SYTL5: variants seen among roughly 807,000 people sequenced by gnomAD.
SYTL5 encodes synaptotagmin-like protein 5.
Under a neutral mutation model 55.9 loss-of-function variants are expected in SYTL5, and 34 were observed. That is an observed-to-expected ratio of 0.61 (90% CI 0.46 to 0.81). The LOEUF is 0.81. Ranked by LOEUF, SYTL5 falls within the 30% of genes least tolerant of loss-of-function variation. The pLI, the probability that SYTL5 is intolerant of heterozygous loss-of-function variation, is 0.00. For missense variants in SYTL5, 637 were observed against 546.7 expected (o/e 1.17, Z -1.65); for synonymous variants, 221 against 188.7 (o/e 1.17, Z -1.40).
At chrX:37,994,922 C>T in the SYTL5 span, 3 of 111,537 alleles carry the variant, frequency 2.7e-5, no homozygotes, top group African/African-American at 6.5e-5. Context: ...GCTCCTGACT[C>T]GTCTCCGTTT....
chrX:37,966,500 C>T, the SYTL5 span, among the ~76,000 whole-genome samples: 8 of 98,598 alleles, frequency 8.1e-5, no homozygotes, highest in Admixed American at 8.1e-4. Context: ...TGCAGTGGCA[C>T]GATCTCGGCT....
rs140065407 is a variant in SYTL5, at chrX:38,088,449, T to A, written c.690-997T>A. Among the ~76,000 whole-genome samples the A allele has an allele frequency of 1.7e-3, 186 of 111,696 alleles. 2 individuals are homozygous for A. In the Admixed American group the frequency reaches 0.017, roughly 10 times the overall value. ...AGGGCTTCTATTTTACCACTTAGCA[T>A]ATTTTGTGCCCACTGAGGGAAAAGA... On this transcript the variant is annotated intron_variant, in intron 6 of 16. Transcript: ENST00000297875.
In SYTL5 at chrX:38,096,147, T is replaced by G. The variant is rs750269231; in HGVS notation, c.975T>G (p.Ser325=). 9.1e-5 allele frequency: 106 copies of G among 1,166,912 alleles called. No individual in the cohort carries two copies. The highest frequency in any genetic ancestry group is 2.7e-5 in the Non-Finnish European group (23 of 862,849). ...GTSLSSDQSR[S]ELDLSESFTE... ...TCCACCTTCCAGATCAGAGTCGATC[T>G]GAGTTAGATTTGAGTGAGTCATTTA... is the stretch of plus-strand genomic sequence containing the variant. Residue 325 remains serine (S), a synonymous_variant, in exon 9 of 17, where the codon TCT becomes TCG. Coordinates refer to ENST00000297875, the MANE Select transcript of SYTL5 (RefSeq NM_138780.3).
At chrX:38,046,961 C>T (rs761701050) in intron 2 of SYTL5, among the ~76,000 whole-genome samples, 1 of 112,337 alleles carries the variant, frequency 8.9e-6, no homozygotes, top group Non-Finnish European at 1.9e-5. Context: ...CCATGTCTCA[C>T]ATCCAGGTCA....
intron 2 of SYTL5, among the ~76,000 whole-genome samples, chrX:38,036,477 A>G (rs1370073545): frequency 8.9e-6 from 1 of 111,746 alleles, no homozygotes; most frequent in African/African-American, 3.3e-5. Context: ...GGCTCTTCAA[A>G]CTTTTTTGAG....
At chrX:37,913,330 G>C in the SYTL5 span, among the ~76,000 whole-genome samples, 1 of 112,381 alleles carries the variant, frequency 8.9e-6, no homozygotes. Flanking sequence ...GTGTTTTCAT[G>C]CTATATACCA....
chrX:38,018,916 G>C (rs1278250545), intron 1 of SYTL5, among the ~76,000 whole-genome samples: 1 of 111,717 alleles, frequency 9.0e-6, no homozygotes, highest in Non-Finnish European at 1.9e-5. Flanking sequence ...ACTTCTGCAA[G>C]AGCCTCCTCA....
At chrX:38,085,686 G>T (rs757186967) in intron 6 of SYTL5, among the ~76,000 whole-genome samples, 1 of 111,582 alleles carries the variant, frequency 9.0e-6, no homozygotes. Flanking sequence ...TCTCAGGTTC[G>T]TGCTGCCTTA....
chrX:38,104,532 G>T (rs1387287518), intron 10 of SYTL5, among the ~76,000 whole-genome samples: 1 of 111,968 alleles, frequency 8.9e-6, no homozygotes, highest in Non-Finnish European at 1.9e-5. Context: ...AAATAATTAT[G>T]GAATTATTGG....
At chrX:37,970,281 C>A in the SYTL5 span, among the ~76,000 whole-genome samples, 1 of 110,539 alleles carries the variant, frequency 9.0e-6, no homozygotes, top group Non-Finnish European at 1.9e-5. Flanking sequence ...TCTTGTACAA[C>A]CCCGTCATTT....
At position 38,066,110 on chromosome X, in the gene SYTL5, G is replaced by A. The variant is rs181133469; in HGVS notation, c.330-5937G>A. Among the ~76,000 whole-genome samples, 232 of 110,743 alleles carry A rather than the reference G, an allele frequency of 2.1e-3. 1 individual carries two copies. Among genetic ancestry groups the A allele is most frequent in the Admixed American group, 0.021 (216 of 10,410 alleles). ...GTGAGATTCTGTCTCAAAAAAAAAT[G>A]CTGTGTAATTAATAAATGTATAAAA... On this transcript the variant is annotated intron_variant, in intron 3 of 16. Transcript: ENST00000297875.
chrX:38,108,668 G>A lies in SYTL5; in HGVS notation c.1403G>A (p.Gly468Asp). Residue 468 changes from glycine (G) to aspartate (D), a missense_variant, in exon 12 of 17, where the codon GGC becomes GAC. Gly to Asp is a moderately conservative substitution (Grantham distance 94). Transcript: ENST00000297875. ...NNKRKTKIRTGTNPEFNETLK... is the reference protein window; with the variant it reads ...NNKRKTKIRTDTNPEFNETLK... The stretch of plus-strand genomic sequence containing the variant: ...AAGCGTAAGACCAAAATCAGAACAG[G>A]CACCAATCCAGAATTCAATGAAACA... 8.3e-7 allele frequency: 1 copy of A among 1,200,205 alleles called. No homozygotes were observed. The highest frequency in any genetic ancestry group is 1.1e-6 in the Non-Finnish European group (1 of 888,273).
chrX:37,889,781 A>C, the SYTL5 span, among the ~76,000 whole-genome samples: 1 of 111,914 alleles, frequency 8.9e-6, no homozygotes, highest in Non-Finnish European at 1.9e-5. Flanking sequence ...AATAAAAAAA[A>C]AAAGGAAGTG....
chrX:37,976,893 G>A, the SYTL5 span, among the ~76,000 whole-genome samples: 5 of 109,963 alleles, frequency 4.5e-5, no homozygotes, highest in Non-Finnish European at 7.6e-5. Flanking sequence ...TTGAACCCAG[G>A]AGGCAGTTTG....
chrX:38,081,043 C>A (rs1936519612), intron 6 of SYTL5, among the ~76,000 whole-genome samples: 1 of 112,406 alleles, frequency 8.9e-6, no homozygotes, highest in Non-Finnish European at 1.9e-5. Flanking sequence ...AAAGTATGTA[C>A]ATTTATTCTA....
intron 13 of SYTL5, 85 bp downstream of exon 13, chrX:38,110,567 A>T: frequency 1.2e-6 from 1 of 810,367 alleles, no homozygotes; most frequent in East Asian, 3.6e-5. Context: ...GAACTTGAAG[A>T]CTTTCAAATT....
intron 6 of SYTL5, among the ~76,000 whole-genome samples, chrX:38,077,871 T>C (rs1936429222): frequency 9.0e-6 from 1 of 111,660 alleles, no homozygotes; most frequent in South Asian, 3.8e-4. Context: ...AAACTTTCTA[T>C]AAACATCTCA....
the SYTL5 span, among the ~76,000 whole-genome samples, chrX:37,960,860 A>G: frequency 9.3e-6 from 1 of 107,710 alleles, no homozygotes; most frequent in South Asian, 4.1e-4. Context: ...CAGTGGCGCA[A>G]TCTCGGCTCA....
At chrX:37,905,854 G>C in the SYTL5 span, among the ~76,000 whole-genome samples, 1 of 113,203 alleles carries the variant, frequency 8.8e-6, no homozygotes, top group Non-Finnish European at 1.9e-5. Context: ...TGCCTGGCGC[G>C]ACTCTGGCGC....
Sources: gnomAD v4.1 joint callset for allele counts (sites outside exome capture counted in the v4.1 genomes callset) on GRCh38, gnomAD v4.1.1 for gene constraint, MANE v1.5 for transcripts, NCBI Gene and HGNC (gene_info 2026-07-23, HGNC 2026-07-21) for gene names.